The following EXOC4 variants were observed in gnomAD, a reference collection of about 807,000 sequenced individuals.
EXOC4 encodes the protein SEC8-like 1.
A neutral mutation model predicts 107.2 loss-of-function variants in EXOC4; 71 were observed. The ratio of observed to expected loss-of-function variants is 0.66; its 90% confidence interval spans 0.55 to 0.81. The LOEUF is 0.81. EXOC4 is among the 30% of genes least tolerant of loss of function. The probability of loss-of-function intolerance (pLI) is 0.00; values close to 1 mark genes in which losing one functional copy is unlikely to be tolerated. For missense variants in EXOC4, 1,108 were observed against 1,189.6 expected, an observed-to-expected ratio of 0.93 and a Z score of 1.01; for synonymous variants, 456 against 441.2, an observed-to-expected ratio of 1.03 and a Z score of -0.42.
At chr7:133,914,483 A>T (rs1307884169) in intron 12 of EXOC4, among the ~76,000 whole-genome samples, 3 of 152,186 alleles carry the variant, frequency 2.0e-5, no homozygotes, top group Non-Finnish European at 4.4e-5. Context: ...AACCAAGAAA[A>T]CTTGGGACTT....
intron 10 of EXOC4, among the ~76,000 whole-genome samples, chr7:133,784,132 C>T (rs931937178): frequency 6.6e-6 from 1 of 152,020 alleles, no homozygotes; most frequent in African/African-American, 2.4e-5. Flanking sequence ...AGAGCTTTAT[C>T]ATTTGATTAA....
intron 10 of EXOC4, among the ~76,000 whole-genome samples, chr7:133,796,317 G>A (rs73152990): frequency 0.12 from 18,872 of 152,146 alleles, 1,268 homozygotes; most frequent in Middle Eastern, 0.15. Flanking sequence ...CTGATATACA[G>A]GTTGTGGGGG....
chr7:133,816,627 T>G (rs1012586505), intron 10 of EXOC4, among the ~76,000 whole-genome samples: 2 of 152,186 alleles, frequency 1.3e-5, no homozygotes, highest in East Asian at 3.8e-4. Context: ...CAACCTTTTT[T>G]GGCACAAGCA....
chr7:133,913,328 G>A (rs1442004457), intron 12 of EXOC4, among the ~76,000 whole-genome samples: 3 of 152,192 alleles, frequency 2.0e-5, no homozygotes, highest in South Asian at 4.1e-4. Context: ...TGTAGGAAGG[G>A]TTATAACATG....
At chr7:133,521,389 T>C (rs528358888) in intron 9 of EXOC4, among the ~76,000 whole-genome samples, 1 of 152,196 alleles carries the variant, frequency 6.6e-6, no homozygotes, top group Non-Finnish European at 1.5e-5. Flanking sequence ...TAAAAATACG[T>C]TCTTTTAAAC....
chr7:133,521,008 T>C (rs1799968361), intron 9 of EXOC4, among the ~76,000 whole-genome samples: 1 of 152,194 alleles, frequency 6.6e-6, no homozygotes, highest in Middle Eastern at 3.2e-3. Flanking sequence ...ATGTGGAATG[T>C]TGACCCTTCA....
chr7:133,930,000 G>C (rs549286133), intron 13 of EXOC4, among the ~76,000 whole-genome samples: 1 of 152,204 alleles, frequency 6.6e-6, no homozygotes, highest in South Asian at 2.1e-4. Flanking sequence ...GAAATAACCA[G>C]GATAATCAAT....
At chr7:133,636,069 G>C (rs1255543067) in intron 10 of EXOC4, among the ~76,000 whole-genome samples, 1 of 152,162 alleles carries the variant, frequency 6.6e-6, no homozygotes, top group Non-Finnish European at 1.5e-5. Context: ...GAAGTGTTGG[G>C]GCTGGGTAGA....
intron 13 of EXOC4, among the ~76,000 whole-genome samples, chr7:133,923,128 C>CTTT (rs35715979): frequency 1.3e-4 from 17 of 126,520 alleles, no homozygotes; most frequent in Admixed American, 2.4e-4. Context: ...AGAGTTTACA[C>CTTT]TTTTTTTTTT....
At chr7:133,422,003 T>C (rs1797618523) in intron 7 of EXOC4, among the ~76,000 whole-genome samples, 1 of 152,206 alleles carries the variant, frequency 6.6e-6, no homozygotes, top group Non-Finnish European at 1.5e-5. Flanking sequence ...AAATAAGAAC[T>C]ATGTGCAATT....
intron 10 of EXOC4, among the ~76,000 whole-genome samples, chr7:133,750,812 C>T (rs528240400): frequency 6.6e-6 from 1 of 152,246 alleles, no homozygotes; most frequent in East Asian, 1.9e-4. Context: ...AACTCTTGGG[C>T]TCAAGCTGTC....
chr7:133,632,775 G>C (rs1007145674), intron 10 of EXOC4, among the ~76,000 whole-genome samples: 2 of 152,016 alleles, frequency 1.3e-5, no homozygotes, highest in African/African-American at 4.8e-5. Context: ...TTCAGATGTA[G>C]TTACTCTTAT....
rs35334259 is a variant in EXOC4 at position 133,412,278 on chromosome 7, G to GTTTTTTTTTTTTTTTTTTTTTT, written c.1182+37278_1182+37299dup. Among the ~76,000 whole-genome samples the GTTTTTTTTTTTTTTTTTTTTTT allele has an allele frequency of 2.0e-4, 14 of 71,480 alleles. 1 individual carries two copies. The highest frequency in any genetic ancestry group is 5.3e-4 in the East Asian group (1 of 1,902). The allele number at this position is 71,480 out of a possible 152,430, so 46.9% of individuals were successfully genotyped here. A position where few individuals can be genotyped will look rare whatever the true frequency, so the allele number is the denominator to read the frequency against. ...ATCTGGTCAATACTGTCAGAATTCA[G>GTTTTTTTTTTTTTTTTTTTTTT]TTTTTTTTTTTTTTTTTTTTTTTGC... On this transcript the variant is annotated intron_variant, in intron 7 of 17. Transcript: ENST00000253861.
intron 9 of EXOC4, among the ~76,000 whole-genome samples, chr7:133,493,400 G>T (rs1799413462): frequency 6.6e-6 from 1 of 152,106 alleles, no homozygotes; most frequent in Non-Finnish European, 1.5e-5. Context: ...TTGCACCATT[G>T]CACTCCGGCC....
chr7:133,472,425 A>G (rs543626788), intron 7 of EXOC4, among the ~76,000 whole-genome samples: 2 of 152,326 alleles, frequency 1.3e-5, no homozygotes, highest in East Asian at 3.9e-4. Context: ...GTATCAAAAG[A>G]TGGTTCTGAA....
chr7:133,511,816 A>T (rs963623872), intron 9 of EXOC4, among the ~76,000 whole-genome samples: 1 of 146,274 alleles, frequency 6.8e-6, no homozygotes, highest in African/African-American at 2.6e-5. Flanking sequence ...GGGGTGACAT[A>T]TTCTGGTTCC....
At chr7:133,668,995 G>A (rs1585066678) in intron 10 of EXOC4, among the ~76,000 whole-genome samples, 2 of 126,922 alleles carry the variant, frequency 1.6e-5, no homozygotes, top group South Asian at 4.9e-4. Context: ...CAATAGAATT[G>A]TTCTCCCAAT....
At chr7:133,372,913 T>A (rs1196724765) in intron 6 of EXOC4, among the ~76,000 whole-genome samples, 1 of 152,222 alleles carries the variant, frequency 6.6e-6, no homozygotes, top group Non-Finnish European at 1.5e-5. Flanking sequence ...TAACTAAGAT[T>A]TTCCTATCAA....
chr7:133,631,964 AC>A (rs1802602076), intron 10 of EXOC4, among the ~76,000 whole-genome samples: 1 of 152,154 alleles, frequency 6.6e-6, no homozygotes, highest in African/African-American at 2.4e-5. Flanking sequence ...TAGAAAAGAA[AC>A]CCTTTAGAAA....
Sources: allele counts gnomAD v4.1 joint callset (sites outside exome capture counted in the v4.1 genomes callset), GRCh38; gene constraint gnomAD v4.1.1; transcripts MANE v1.5; gene names NCBI Gene and HGNC (gene_info 2026-07-23, HGNC 2026-07-21).